COPE: variants seen among roughly 807,000 people sequenced by gnomAD.
COPE encodes coat protein complex I subunit epsilon.
In COPE, 19 loss-of-function variants were observed where a neutral mutation model predicts 42.1. The observed-to-expected ratio is 0.45, with a 90% CI of 0.31 to 0.66. The LOEUF is 0.66. COPE is among the 30% of genes least tolerant of loss of function. The pLI is 0.05. For synonymous variants in COPE, 195 were observed against 181.3 expected, an observed-to-expected ratio of 1.08 and a Z score of -0.60; for missense variants, 402 against 416.1, an observed-to-expected ratio of 0.97 and a Z score of 0.30.
At chr19:18,914,330 A>C (rs1450177931) in intron 1 of COPE, among the ~76,000 whole-genome samples, 1 of 152,080 alleles carries the variant, frequency 6.6e-6, no homozygotes, top group Admixed American at 6.6e-5. Flanking sequence ...ATTAGAGGTC[A>C]GGAGTTCCAG....
At chr19:18,903,749 C>T (rs1431973106) in intron 6 of COPE, among the ~76,000 whole-genome samples, 2 of 152,196 alleles carry the variant, frequency 1.3e-5, no homozygotes, top group East Asian at 3.9e-4. Flanking sequence ...TCACTGAGCA[C>T]GTCAGAGGAG....
chr19:18,909,120 C>T (rs1277646220), intron 3 of COPE, among the ~76,000 whole-genome samples: 1 of 152,270 alleles, frequency 6.6e-6, no homozygotes, highest in African/African-American at 2.4e-5. Flanking sequence ...GCCTGGACCG[C>T]CTGCTCTCCG....
intron 1 of COPE, among the ~76,000 whole-genome samples, chr19:18,914,106 G>A (rs2056833861): frequency 6.6e-6 from 1 of 152,194 alleles, no homozygotes; most frequent in Non-Finnish European, 1.5e-5. Flanking sequence ...ATCTGGCTAT[G>A]ATTTGGAACA....
At position 18,907,049 on chromosome 19, in the gene COPE, G is replaced by A. The variant is rs2056767104; in HGVS notation, c.354C>T (p.Thr118=). ...MSRSVDVTNT[T]FLLMAASIYL... is the part of the protein sequence containing the mutation. ...AGATGGAGGCGGCCATGAGCAGGAAGGTGGTGTTGGTCACGTCCACGCTCC... is the reference window on the plus strand; with the variant it reads ...AGATGGAGGCGGCCATGAGCAGGAAAGTGGTGTTGGTCACGTCCACGCTCC... The change falls in exon 4 of 10, where the codon ACC becomes ACT. Residue 118 remains threonine, a synonymous_variant. Coordinates refer to ENST00000262812, the MANE Select transcript of COPE (RefSeq NM_007263.4). 6.2e-7 allele frequency: 1 copy of A among 1,608,040 alleles called. No homozygotes were observed. Among genetic ancestry groups the A allele is most frequent in the Non-Finnish European group, 8.5e-7 (1 of 1,177,890 alleles).
chr19:18,903,602 C>T lies in COPE; in HGVS notation c.580-179G>A, dbSNP rs1167827870. 2.0e-5 allele frequency among the ~76,000 whole-genome samples: 3 copies of T among 152,292 alleles called. No individual in the cohort carries two copies. In the East Asian group the frequency reaches 5.8e-4, roughly 29 times the overall value. On this transcript the variant is annotated intron_variant, in intron 6 of 9. Coordinates refer to ENST00000262812, the MANE Select transcript of COPE (RefSeq NM_007263.4). ...CGTAACTTGTACTCTGCTGATGGGG[C>T]CTAAAGACTCGTGGCCGCCTCCTGC...
chr19:18,909,441 C>A (rs1328708783), intron 3 of COPE, among the ~76,000 whole-genome samples: 2 of 152,108 alleles, frequency 1.3e-5, no homozygotes, highest in African/African-American at 4.8e-5. Context: ...GGCTGCTGGC[C>A]ACTCGTGGTG....
chr19:18,905,003 G>A (rs2056745230), intron 5 of COPE, 151 bp from the exon 6 acceptor site: 4 of 784,592 alleles, frequency 5.1e-6, no homozygotes, highest in South Asian at 3.4e-5. Flanking sequence ...CTAAGTGCCC[G>A]AGCCACCCTG....
intron 3 of COPE, among the ~76,000 whole-genome samples, chr19:18,909,960 T>C (rs1047220964): frequency 4.6e-5 from 7 of 152,220 alleles, no homozygotes; most frequent in African/African-American, 1.4e-4. Flanking sequence ...GGATAGGATA[T>C]GGACGTACCT....
chr19:18,906,221 G>C (rs1301080806), intron 4 of COPE: 1 of 330,588 alleles, frequency 3.0e-6, no homozygotes, highest in Non-Finnish European at 5.5e-6. Flanking sequence ...TCAGGGTCTG[G>C]CTCTGCCACC....
chr19:18,907,259 C>T, intron 3 of COPE, 147 bp from the exon 4 acceptor site: 1 of 801,572 alleles, frequency 1.2e-6, no homozygotes, highest in Admixed American at 3.0e-5. Flanking sequence ...ATCGAGCTGT[C>T]CCGACATGTC....
intron 1 of COPE, 48 bp downstream of exon 1, chr19:18,919,175 G>A (rs752915361): frequency 1.5e-5 from 24 of 1,568,668 alleles, no homozygotes; most frequent in Non-Finnish European, 2.1e-5. Context: ...ACCAGAAAGC[G>A]TCCTCCGCCT....
chr19:18,908,521 C>CTCTTTT (rs368392329), intron 3 of COPE, among the ~76,000 whole-genome samples: 77 of 146,840 alleles, frequency 5.2e-4, no homozygotes, highest in Admixed American at 3.5e-3. Context: ...CCCCATCTCT[C>CTCTTTT]TTTTTTTTTT....
chr19:18,912,884 G>T, intron 2 of COPE, 100 bp downstream of exon 2: 1 of 1,195,654 alleles, frequency 8.4e-7, no homozygotes. Flanking sequence ...TCCCTGCTTT[G>T]TTTACTGTCC....
chr19:18,911,583 G>C (rs1389249005), intron 2 of COPE, among the ~76,000 whole-genome samples: 1 of 150,064 alleles, frequency 6.7e-6, no homozygotes, highest in Admixed American at 6.7e-5. Context: ...ACGGAGTCTC[G>C]CTCTGTCGCC....
intron 1 of COPE, among the ~76,000 whole-genome samples, chr19:18,917,159 C>T (rs998249332): frequency 2.7e-5 from 4 of 150,696 alleles, no homozygotes; most frequent in African/African-American, 9.7e-5. Flanking sequence ...TGTCTCAAAT[C>T]TCCCTCTGCC....
chr19:18,914,755 CTTTTTTTTTT>C (rs749395912), intron 1 of COPE, among the ~76,000 whole-genome samples: 2 of 121,870 alleles, frequency 1.6e-5, no homozygotes, highest in African/African-American at 6.2e-5. Context: ...AAAGCATAGT[CTTTTTTTTTT>C]TTTTTTTTTT....
chr19:18,908,288 G>A (rs2056779150), intron 3 of COPE, among the ~76,000 whole-genome samples: 1 of 151,940 alleles, frequency 6.6e-6, no homozygotes, highest in Admixed American at 6.6e-5. Flanking sequence ...AAAGTCAGCT[G>A]GGCCTGGTGG....
At chr19:18,913,315 A>G (rs1020166197) in intron 1 of COPE, among the ~76,000 whole-genome samples, 39 of 152,350 alleles carry the variant, frequency 2.6e-4, no homozygotes, top group African/African-American at 9.1e-4. Context: ...GTCACACTTA[A>G]GAAGCCAGGG....
At chr19:18,908,738 C>T (rs1025696962) in intron 3 of COPE, among the ~76,000 whole-genome samples, 71 of 151,876 alleles carry the variant, frequency 4.7e-4, no homozygotes, top group African/African-American at 1.5e-3. Flanking sequence ...AGGATGGTCT[C>T]CATCTCCTGA....
Sources: allele counts gnomAD v4.1 joint callset (sites outside exome capture counted in the v4.1 genomes callset), GRCh38; gene constraint gnomAD v4.1.1; transcripts MANE v1.5; gene names NCBI Gene and HGNC (gene_info 2026-07-23, HGNC 2026-07-21).